MSN: variants seen among roughly 807,000 people sequenced by gnomAD.
MSN encodes moesin.
In MSN, 2 loss-of-function variants were observed where a neutral mutation model predicts 48.0. The ratio of observed to expected loss-of-function variants is 0.04; its 90% CI spans 0.02 to 0.13. The LOEUF (loss-of-function observed/expected upper bound fraction) is 0.13. MSN is among the 10% of genes least tolerant of loss of function. The pLI is 1.00. For synonymous variants in MSN, 146 were observed against 166.9 expected (o/e 0.87, Z 0.97); for missense variants, 267 against 470.1 (o/e 0.57, Z 3.99).
At chrX:65,664,690 A>C (rs1294875818), upstream of MSN, among the ~76,000 whole-genome samples, 3 of 81,081 alleles carry the variant, frequency 3.7e-5, no homozygotes, top group South Asian at 6.2e-4. Context: ...CTTTCCCCCT[A>C]TTTCTTAGCT....
intron 1 of MSN, among the ~76,000 whole-genome samples, chrX:65,683,393 G>GCCGCCACCA (rs1170159142): frequency 7.7e-5 from 7 of 91,316 alleles, no homozygotes; most frequent in African/African-American, 1.3e-4. Flanking sequence ...TGCCGCCGCC[G>GCCGCCACCA]CCACCACCAC....
chrX:65,648,111 G>A (rs187665142), intron 1 of MSN, among the ~76,000 whole-genome samples: 2 of 106,124 alleles, frequency 1.9e-5, no homozygotes, highest in South Asian at 9.0e-4. Flanking sequence ...GAACTTAGCA[G>A]TGGGTTGAAA....
chrX:65,592,321 G>A (rs1487064720), intron 1 of MSN, among the ~76,000 whole-genome samples: 2 of 105,424 alleles, frequency 1.9e-5, no homozygotes, highest in Non-Finnish European at 3.9e-5. Flanking sequence ...TCAGCCTCTC[G>A]AGTAGCTGGG....
At chrX:65,609,789 A>G (rs990129292) in intron 1 of MSN, among the ~76,000 whole-genome samples, 8 of 111,235 alleles carry the variant, frequency 7.2e-5, no homozygotes, top group Admixed American at 2.9e-4. Flanking sequence ...AGGTTGAGGC[A>G]GGAGAATCAC....
chrX:65,695,524 A>C (rs1039769098), intron 1 of MSN, among the ~76,000 whole-genome samples: 3 of 107,521 alleles, frequency 2.8e-5, no homozygotes, highest in Non-Finnish European at 5.8e-5. Flanking sequence ...AAAAAAAAAA[A>C]AAAAAAAAAA....
chrX:65,590,129 G>C (rs2070134031), intron 1 of MSN, among the ~76,000 whole-genome samples: 2 of 110,773 alleles, frequency 1.8e-5, no homozygotes, highest in Admixed American at 1.9e-4. Flanking sequence ...GTTTTTCTTT[G>C]ACTGTAATCC....
intron 1 of MSN, among the ~76,000 whole-genome samples, chrX:65,683,393 G>GCCACCACCA (rs535010759): frequency 6.0e-4 from 55 of 91,313 alleles, no homozygotes; most frequent in Middle Eastern, 5.9e-3. Flanking sequence ...TGCCGCCGCC[G>GCCACCACCA]CCACCACCAC....
upstream of MSN, among the ~76,000 whole-genome samples, chrX:65,667,212 A>T (rs2070879928): frequency 1.8e-5 from 2 of 111,984 alleles, no homozygotes; most frequent in East Asian, 5.6e-4. Context: ...CAGAACTGAG[A>T]TCCATGGATG....
chrX:65,727,214 T>G (rs935709734), intron 2 of MSN, among the ~76,000 whole-genome samples: 1 of 111,908 alleles, frequency 8.9e-6, no homozygotes, highest in Non-Finnish European at 1.9e-5. Flanking sequence ...GAACTCAGTC[T>G]TAAGGGTGTG....
intron 2 of MSN, among the ~76,000 whole-genome samples, chrX:65,722,039 A>C (rs996371034): frequency 4.5e-5 from 5 of 112,126 alleles, no homozygotes; most frequent in Non-Finnish European, 7.5e-5. Flanking sequence ...CTATGATTGC[A>C]CCACTGCACT....
upstream of MSN, among the ~76,000 whole-genome samples, chrX:65,664,748 C>T (rs1205148842): frequency 9.5e-6 from 1 of 105,558 alleles, no homozygotes; most frequent in Non-Finnish European, 1.9e-5. Context: ...TCTATGCCCC[C>T]TTTCTTTTTT....
intron 1 of MSN, among the ~76,000 whole-genome samples, chrX:65,622,394 C>A (rs776020611): frequency 9.0e-6 from 1 of 110,719 alleles, no homozygotes; most frequent in Non-Finnish European, 1.9e-5. Context: ...GCCACCTCAC[C>A]TTGCCTTATT....
intron 1 of MSN, among the ~76,000 whole-genome samples, chrX:65,709,513 T>C (rs2071394787): frequency 8.9e-6 from 1 of 112,490 alleles, no homozygotes. Flanking sequence ...CTGATTTTAG[T>C]AGAGCCCTTT....
chrX:65,603,279 A>G (rs1272377907), intron 1 of MSN, among the ~76,000 whole-genome samples: 1 of 112,110 alleles, frequency 8.9e-6, no homozygotes, highest in Non-Finnish European at 1.9e-5. Flanking sequence ...ATAGTGTGAC[A>G]AGAGCAAAAC....
chrX:65,641,126 C>A (rs751156838), intron 1 of MSN, among the ~76,000 whole-genome samples: 1 of 110,604 alleles, frequency 9.0e-6, no homozygotes, highest in Non-Finnish European at 1.9e-5. Flanking sequence ...ATAAATAAAT[C>A]TTGGCATAAG....
In MSN at chrX:65,713,028, G is replaced by A. The variant is rs12010400; in HGVS notation, c.13-3790G>A. ...GTGGAGATAATACTCTACTTCACAGGGTGATTATTGATATTAAATGAGGTA... is the reference window on the plus strand; with the variant it reads ...GTGGAGATAATACTCTACTTCACAGAGTGATTATTGATATTAAATGAGGTA... On this transcript the variant is annotated intron_variant, in intron 1 of 12. Transcript: ENST00000360270. Among the ~76,000 whole-genome samples, 244 of 110,667 alleles carry A rather than the reference G, an allele frequency of 2.2e-3. 1 individual carries two copies. The highest frequency in any genetic ancestry group is 7.5e-3 in the African/African-American group (228 of 30,426).
rs1186980345 is a variant in MSN, at chrX:65,669,617, C to T, written c.12+1764C>T. ...CTGGAGTAATGAGGGTACCTAAATACTGAAGGCATTTTTATGCAGATTGAC... is the reference window on the plus strand; with the variant it reads ...CTGGAGTAATGAGGGTACCTAAATATTGAAGGCATTTTTATGCAGATTGAC... On this transcript the variant is annotated intron_variant, in intron 1 of 12. Coordinates refer to ENST00000360270, the MANE Select transcript of MSN (RefSeq NM_002444.3). 2.0e-4 allele frequency among the ~76,000 whole-genome samples: 22 copies of T among 111,129 alleles called. No individual in the cohort carries two copies. In the Admixed American group the frequency reaches 2.0e-3, roughly 10 times the overall value.
At chrX:65,690,260 G>C (rs752095869) in intron 1 of MSN, among the ~76,000 whole-genome samples, 1 of 111,885 alleles carries the variant, frequency 8.9e-6, no homozygotes, top group African/African-American at 3.3e-5. Flanking sequence ...AAAGGGGAGG[G>C]AGGCCTGTGC....
At chrX:65,670,938 ATATATATATATATATATT>A (rs2070933227) in intron 1 of MSN, among the ~76,000 whole-genome samples, 1 of 62,872 alleles carries the variant, frequency 1.6e-5, no homozygotes, top group Non-Finnish European at 3.0e-5. Flanking sequence ...ATATATATAT[ATATATATATATATATATT>A]TAAAAAGGCC....
Sources: gnomAD v4.1 joint callset for allele counts (sites outside exome capture counted in the v4.1 genomes callset) on GRCh38, gnomAD v4.1.1 for gene constraint, MANE v1.5 for transcripts, NCBI Gene and HGNC (gene_info 2026-07-23, HGNC 2026-07-21) for gene names.